The following GSE1 variants were observed in gnomAD, a reference collection of about 807,000 sequenced individuals.
GSE1 encodes genetic suppressor element 1.
GSE1 carries 32 observed loss-of-function variants against 112.6 expected under a neutral mutation model. The ratio of observed to expected loss-of-function variants is 0.28; its 90% CI spans 0.21 to 0.38. GSE1 has a LOEUF of 0.38. GSE1 is among the 10% of genes least tolerant of loss of function. The probability of loss-of-function intolerance (pLI) is 1.00; values close to 1 mark genes in which losing one functional copy is unlikely to be tolerated. For missense variants in GSE1, 2,348 were observed against 1,699.2 expected (o/e 1.38, Z -6.71); for synonymous variants, 1,115 against 735.6 (o/e 1.52, Z -8.35).
chr16:85,632,985 G>C (rs1447366655), intron 1 of GSE1, among the ~76,000 whole-genome samples: 1 of 151,410 alleles, frequency 6.6e-6, no homozygotes, highest in Non-Finnish European at 1.5e-5. Flanking sequence ...ATGTCACCAG[G>C]TGGCTGCCCC....
At chr16:85,354,618 T>A (rs1417351663) in intron 1 of GSE1, among the ~76,000 whole-genome samples, 1 of 152,166 alleles carries the variant, frequency 6.6e-6, no homozygotes, top group Non-Finnish European at 1.5e-5. Flanking sequence ...GACCAGGAGG[T>A]GGACAGGGGT....
intron 13 of GSE1, among the ~76,000 whole-genome samples, chr16:85,667,037 C>CT (rs1167491181): frequency 6.6e-6 from 1 of 152,224 alleles, no homozygotes; most frequent in Non-Finnish European, 1.5e-5. Flanking sequence ...TACTATGCCA[C>CT]TTTATATCAG....
At chr16:85,561,613 A>G (rs1372194110) in intron 1 of GSE1, among the ~76,000 whole-genome samples, 1 of 152,216 alleles carries the variant, frequency 6.6e-6, no homozygotes, top group Non-Finnish European at 1.5e-5. Context: ...GGCTTGGCCC[A>G]TAGCCATGAA....
intron 6 of GSE1, 152 bp downstream of exon 6, chr16:85,656,069 G>C (rs1012559758): frequency 1.4e-6 from 1 of 710,164 alleles, no homozygotes; most frequent in Admixed American, 2.9e-5. Context: ...GATCGTTCAG[G>C]CTCTGCTCTG....
chr16:85,472,502 C>G (rs555138389), intron 2 of GSE1, among the ~76,000 whole-genome samples: 1 of 152,240 alleles, frequency 6.6e-6, no homozygotes, highest in Admixed American at 6.5e-5. Context: ...TAGGACCCAC[C>G]TTATTCCCGT....
intron 1 of GSE1, among the ~76,000 whole-genome samples, chr16:85,290,984 A>G (rs1474261603): frequency 6.6e-6 from 1 of 152,252 alleles, no homozygotes; most frequent in Non-Finnish European, 1.5e-5. Context: ...GAGCCGTAGC[A>G]GACAGACATG....
At chr16:85,570,893 A>G (rs1441888542) in intron 1 of GSE1, among the ~76,000 whole-genome samples, 1 of 152,234 alleles carries the variant, frequency 6.6e-6, no homozygotes, top group Non-Finnish European at 1.5e-5. Flanking sequence ...TTGGAAGGAT[A>G]CAGGTAACTC....
intron 2 of GSE1, among the ~76,000 whole-genome samples, chr16:85,541,877 C>T (rs1213188723): frequency 6.6e-6 from 1 of 152,204 alleles, no homozygotes; most frequent in East Asian, 1.9e-4. Flanking sequence ...GAGCAGTCTC[C>T]CTCCCCAGCA....
chr16:85,265,752 C>G (rs1009446179), intron 1 of GSE1, among the ~76,000 whole-genome samples: 1 of 152,128 alleles, frequency 6.6e-6, no homozygotes. Flanking sequence ...CTGCTGTGCT[C>G]AGGACCTGGG....
At chr16:85,177,272 ACT>A (rs1478355674) in intron 1 of GSE1, among the ~76,000 whole-genome samples, 3 of 152,112 alleles carry the variant, frequency 2.0e-5, no homozygotes, top group South Asian at 2.1e-4. Flanking sequence ...TGTGAGGTTA[ACT>A]CTGCTGGGAG....
At chr16:85,531,318 G>T (rs1022854560) in intron 2 of GSE1, among the ~76,000 whole-genome samples, 8 of 152,220 alleles carry the variant, frequency 5.3e-5, no homozygotes, top group African/African-American at 1.9e-4. Flanking sequence ...AGAGAGGTCA[G>T]ATGGTGGCCG....
intron 1 of GSE1, among the ~76,000 whole-genome samples, chr16:85,289,141 G>A (rs563141648): frequency 1.2e-4 from 18 of 152,276 alleles, no homozygotes; most frequent in African/African-American, 4.1e-4. Flanking sequence ...TTCCGGCAGG[G>A]TGTCACCTTG....
At chr16:85,399,839 C>A (rs1038419) in intron 2 of GSE1, among the ~76,000 whole-genome samples, 38,131 of 152,220 alleles carry the variant, frequency 0.25, 5,909 homozygotes, top group Admixed American at 0.33. Flanking sequence ...TCCGTGAGTG[C>A]GGGCTGCGGT....
At chr16:85,496,094 G>A (rs952669548) in intron 2 of GSE1, among the ~76,000 whole-genome samples, 5 of 152,202 alleles carry the variant, frequency 3.3e-5, no homozygotes, top group African/African-American at 1.2e-4. Flanking sequence ...CACTCTGTAT[G>A]GGGGCACAGC....
chr16:85,630,419 A>G (rs1567680170), intron 1 of GSE1, among the ~76,000 whole-genome samples: 1 of 152,180 alleles, frequency 6.6e-6, no homozygotes, highest in South Asian at 2.1e-4. Context: ...ATCATAGCTC[A>G]CTGTAGCTCC....
intron 1 of GSE1, among the ~76,000 whole-genome samples, chr16:85,337,289 T>A (rs1463436249): frequency 6.6e-6 from 1 of 150,942 alleles, no homozygotes; most frequent in Non-Finnish European, 1.5e-5. Flanking sequence ...CTCAGGACTT[T>A]TTTTTTTCTT....
At chr16:85,655,592 C>T (rs2051849726) in intron 5 of GSE1, 134 bp from the exon 6 acceptor site, 10 of 611,906 alleles carry the variant, frequency 1.6e-5, no homozygotes, top group Non-Finnish European at 2.9e-5. Context: ...CAGGCATGGT[C>T]TTCATCCCCA....
chr16:85,281,732 G>A (rs2044863754), intron 1 of GSE1, among the ~76,000 whole-genome samples: 1 of 152,188 alleles, frequency 6.6e-6, no homozygotes, highest in African/African-American at 2.4e-5. Context: ...CCCACTTCAG[G>A]TTATAGGTGG....
intron 1 of GSE1, among the ~76,000 whole-genome samples, chr16:85,330,554 C>T (rs1447803193): frequency 6.6e-6 from 1 of 152,240 alleles, no homozygotes; most frequent in Non-Finnish European, 1.5e-5. Flanking sequence ...CAGCAGGCGC[C>T]TCACCTGGGG....
Sources: allele counts gnomAD v4.1 joint callset (sites outside exome capture counted in the v4.1 genomes callset), GRCh38; gene constraint gnomAD v4.1.1; transcripts MANE v1.5; gene names NCBI Gene and HGNC (gene_info 2026-07-23, HGNC 2026-07-21).